Variants in LGMN observed in about 807,000 individuals in gnomAD.
LGMN encodes asparaginyl endopeptidase.
Under a neutral mutation model 56.8 loss-of-function variants are expected in LGMN, and 36 were observed. That is an observed-to-expected ratio of 0.63 (90% CI 0.49 to 0.84). The LOEUF (loss-of-function observed/expected upper bound fraction) is 0.84. Among genes scored for constraint, LGMN ranks in the 40% least tolerant of loss-of-function variants. LGMN has a pLI of 0.00. For missense variants in LGMN, 446 were observed against 556.1 expected (o/e 0.80, Z 1.99); for synonymous variants, 199 against 210.1 (o/e 0.95, Z 0.46).
chr14:92,711,133 C>T (rs1163320346), intron 10 of LGMN, among the ~76,000 whole-genome samples: 2 of 152,218 alleles, frequency 1.3e-5, no homozygotes, highest in Non-Finnish European at 2.9e-5. Flanking sequence ...TACTGCAACA[C>T]CATTTAACCA....
chr14:92,709,899 C>T lies in LGMN; in HGVS notation c.820-27G>A, dbSNP rs78617411. The T allele has an allele frequency of 3.4e-4, 520 of 1,542,878 alleles. 1 individual carries two copies. The African/African-American group carries it at 6.1e-3, about 18-fold the overall frequency. ...TGGGGAGACAGACAGCAAGAGAGAG[C>T]GAGAGAGAAAGCGAGAGAGAGTGAG... On this transcript the variant is annotated intron_variant, in intron 10 of 13. Coordinates refer to ENST00000334869, the MANE Select transcript of LGMN (RefSeq NM_005606.7).
At chr14:92,710,702 T>C (rs1053870766) in intron 10 of LGMN, among the ~76,000 whole-genome samples, 11 of 152,228 alleles carry the variant, frequency 7.2e-5, no homozygotes, top group African/African-American at 2.7e-4. Context: ...TGGCCAATGA[T>C]GAGGACACTG....
intron 12 of LGMN, among the ~76,000 whole-genome samples, chr14:92,705,631 T>C (rs746360062): frequency 2.0e-5 from 3 of 152,072 alleles, no homozygotes; most frequent in Non-Finnish European, 4.4e-5. Flanking sequence ...TATGTTCCAA[T>C]AAAACTTTTT....
chr14:92,739,989 G>A (rs568858853), intron 1 of LGMN, among the ~76,000 whole-genome samples: 1 of 152,294 alleles, frequency 6.6e-6, no homozygotes, highest in East Asian at 1.9e-4. Context: ...GGTGGCTCAC[G>A]CCTGTAATCC....
At chr14:92,739,951 T>C (rs1424899562) in intron 1 of LGMN, among the ~76,000 whole-genome samples, 2 of 151,916 alleles carry the variant, frequency 1.3e-5, no homozygotes, top group African/African-American at 4.8e-5. Flanking sequence ...CCAGGGGAGA[T>C]CAGAGAGAAA....
At chr14:92,747,231 T>C (rs1202637697) in intron 1 of LGMN, among the ~76,000 whole-genome samples, 1 of 151,930 alleles carries the variant, frequency 6.6e-6, no homozygotes, top group South Asian at 2.1e-4. Flanking sequence ...TGGTGACTCA[T>C]GCCTGTAATC....
At position 92,716,251 on chromosome 14, in the gene LGMN, G is replaced by T. The variant is rs201555019; in HGVS notation, c.319-30C>A. ...AAAGAATTAGGAGCCACAATCAGATGCAGCTGTCGCTCCAACCCAGAGAGT... is the reference window on the plus strand; with the variant it reads ...AAAGAATTAGGAGCCACAATCAGATTCAGCTGTCGCTCCAACCCAGAGAGT... On this transcript the variant is annotated intron_variant, in intron 4 of 13. Transcript: ENST00000334869. 144 of 1,499,870 alleles carry T rather than the reference G, an allele frequency of 9.6e-5. No individual in the cohort carries two copies. In the African/African-American group the frequency reaches 1.6e-3, roughly 16 times the overall value. The allele number at this position is 1,499,870 out of a possible 1,614,324, so 92.9% of individuals were successfully genotyped here. A position where few individuals can be genotyped will look rare whatever the true frequency, so the allele number is the denominator to read the frequency against.
intron 2 of LGMN, among the ~76,000 whole-genome samples, chr14:92,724,393 T>G (rs554561786): frequency 2.0e-5 from 3 of 152,226 alleles, no homozygotes; most frequent in African/African-American, 7.2e-5. Context: ...GACTCTCTTC[T>G]GGGCCTTGGA....
intron 11 of LGMN, among the ~76,000 whole-genome samples, chr14:92,708,856 C>CAAAAAAAAAAAAAAAAAAAAAAAA (rs58813848): frequency 4.2e-5 from 3 of 71,650 alleles, no homozygotes; most frequent in Non-Finnish European, 5.6e-5. Context: ...ACTCTTGTCT[C>CAAAAAAAAAAAAAAAAAAAAAAAA]AAAAAAAAAA....
chr14:92,717,919 C>G (rs1375956143), intron 3 of LGMN, among the ~76,000 whole-genome samples: 1 of 152,190 alleles, frequency 6.6e-6, no homozygotes, highest in African/African-American at 2.4e-5. Flanking sequence ...TTCACCGCAG[C>G]AGGGTGACCA....
At chr14:92,719,233 ACCGCCACCACCG>A (rs1566923979) in intron 2 of LGMN, among the ~76,000 whole-genome samples, 72 of 39,594 alleles carry the variant, frequency 1.8e-3, no homozygotes, top group African/African-American at 9.3e-3. Flanking sequence ...CACCACCGCC[ACCGCCACCACCG>A]CCACCACCAC....
At chr14:92,705,135 A>G (rs1354534605) in intron 12 of LGMN, among the ~76,000 whole-genome samples, 2 of 152,226 alleles carry the variant, frequency 1.3e-5, no homozygotes, top group East Asian at 3.9e-4. Context: ...ATCTTGAAAC[A>G]AACTTCAGGG....
At position 92,711,858 on chromosome 14, in the gene LGMN, G is replaced by T. The variant is rs759121750; in HGVS notation, c.708C>A (p.Asn236Lys). The T allele has an allele frequency of 1.9e-6, 3 of 1,613,568 alleles. No homozygotes were observed. The East Asian group carries it at 6.7e-5, about 36-fold the overall frequency. The change falls in exon 9 of 14, where the codon AAC (asparagine) becomes AAA (lysine). Residue 236 changes from asparagine to lysine, a missense_variant. Coordinates refer to ENST00000334869, the MANE Select transcript of LGMN (RefSeq NM_005606.7). ...TCACCACGTCCGAATCTTCCATCCA[G>T]TTGACGCTGTACCAGTCCCCCAGGT... ...STYLGDWYSV[N>K]WMEDSDVEDL... is the part of the protein sequence containing the mutation.
chr14:92,719,284 G>GCCA (rs1474923399), intron 2 of LGMN, among the ~76,000 whole-genome samples: 19 of 26,770 alleles, frequency 7.1e-4, no homozygotes, highest in African/African-American at 3.7e-3. Context: ...CGCCACCGCC[G>GCCA]CCGCCGCCGC....
At chr14:92,722,818 A>G (rs370327384) in intron 2 of LGMN, among the ~76,000 whole-genome samples, 196 of 152,288 alleles carry the variant, frequency 1.3e-3, no homozygotes, top group African/African-American at 4.5e-3. Flanking sequence ...AGATATACAA[A>G]TTGTTAGTCA....
At position 92,704,274 on chromosome 14, in the gene LGMN, T is replaced by C. The variant is rs946329632; in HGVS notation, c.*45A>G. On this transcript the variant is annotated 3_prime_UTR_variant, in exon 14 of 14. Coordinates refer to ENST00000334869, the MANE Select transcript of LGMN (RefSeq NM_005606.7). Reference sequence around the variant, plus strand: ...TCTCCAGTCTCTGATCAGCACACAGTCGGTGGGGCGCTCACACTTGGAAAA... The same window carrying C: ...TCTCCAGTCTCTGATCAGCACACAGCCGGTGGGGCGCTCACACTTGGAAAA... 6.2e-7 allele frequency: 1 copy of C among 1,613,782 alleles called. No homozygotes were observed. Among genetic ancestry groups the C allele is most frequent in the Non-Finnish European group, 8.5e-7 (1 of 1,179,760 alleles).
rs376151366 is a variant in LGMN at position 92,740,350 on chromosome 14, G to T, written c.-29-7535C>A. Among the ~76,000 whole-genome samples, 15 of 152,328 alleles carry T rather than the reference G, an allele frequency of 9.8e-5. No homozygotes were observed. In the East Asian group the frequency reaches 1.3e-3, roughly 14 times the overall value. The stretch of plus-strand genomic sequence containing the variant: ...GGTTATCTACTATGGACCACACAAC[G>T]TGCAAGACACTTTATTCACACCATC... On this transcript the variant is annotated intron_variant, in intron 1 of 13. Coordinates refer to ENST00000334869, the MANE Select transcript of LGMN (RefSeq NM_005606.7).
chr14:92,706,514 C>T lies in LGMN; in HGVS notation c.1160G>A (p.Arg387Gln), dbSNP rs376306388. The change falls in exon 12 of 14, where the codon CGG becomes CAG. Residue 387 changes from arginine to glutamine, a missense_variant. By Grantham distance (43) the Arg-to-Gln change is conservative (BLOSUM62 1). Coordinates refer to ENST00000334869, the MANE Select transcript of LGMN (RefSeq NM_005606.7). ...SCYPEALLHF[R>Q]THCFNWHSPT... ...GGAGTGCCAGTTGAAGCAGTGGGTC[C>T]GGAAGTGCAGCAGGGCCTCTGGGTA... is the stretch of plus-strand genomic sequence containing the variant. 19 of 1,580,122 alleles carry T rather than the reference C, an allele frequency of 1.2e-5. No individual in the cohort carries two copies. The highest frequency in any genetic ancestry group is 2.3e-5 in the East Asian group (1 of 44,180).
At position 92,708,359 on chromosome 14, in the gene LGMN, G is replaced by A. The variant is rs577278119; in HGVS notation, c.1020+1313C>T. ...CACTCCTGTAATCCCAGCACTTTCA[G>A]GGCCCAGGTGGGAAGATCACTTGAG... is the stretch of plus-strand genomic sequence containing the variant. On this transcript the variant is annotated intron_variant, in intron 11 of 13. Transcript: ENST00000334869. Among the ~76,000 whole-genome samples the A allele has an allele frequency of 3.9e-5, 6 of 151,976 alleles. No individual in the cohort carries two copies. In the East Asian group the frequency reaches 1.2e-3, roughly 30 times the overall value.
Sources: gnomAD v4.1 joint callset for allele counts (sites outside exome capture counted in the v4.1 genomes callset) on GRCh38, gnomAD v4.1.1 for gene constraint, MANE v1.5 for transcripts, NCBI Gene and HGNC (gene_info 2026-07-23, HGNC 2026-07-21) for gene names.